Variants in LMBR1 observed in about 807,000 individuals in gnomAD.
LMBR1 encodes the protein limb region 1 protein homolog.
In LMBR1, 52 loss-of-function variants were observed where a neutral mutation model predicts 73.9. The observed-to-expected ratio is 0.70, with a 90% CI of 0.56 to 0.89. LMBR1 has a LOEUF of 0.89. LMBR1 is among the 40% of genes least tolerant of loss of function. LMBR1 has a pLI of 0.00. For missense variants in LMBR1, 539 were observed against 579.8 expected, an observed-to-expected ratio of 0.93 and a Z score of 0.72; for synonymous variants, 215 against 209.4, an observed-to-expected ratio of 1.03 and a Z score of -0.23.
intron 5 of LMBR1, among the ~76,000 whole-genome samples, chr7:156,774,152 A>G (rs970422744): frequency 6.6e-6 from 1 of 152,188 alleles, no homozygotes; most frequent in Non-Finnish European, 1.5e-5. Flanking sequence ...GCAAATAAAA[A>G]CCACAATGAC....
chr7:156,871,118 G>A (rs766390179), intron 1 of LMBR1, among the ~76,000 whole-genome samples: 1 of 152,024 alleles, frequency 6.6e-6, no homozygotes, highest in Non-Finnish European at 1.5e-5. Context: ...CATTACAACT[G>A]ATGCCTCCAA....
At chr7:156,870,001 C>G (rs1480307033) in intron 1 of LMBR1, among the ~76,000 whole-genome samples, 1 of 152,036 alleles carries the variant, frequency 6.6e-6, no homozygotes, top group Non-Finnish European at 1.5e-5. Context: ...AAGGATCAAT[C>G]CACCAGGGAG....
chr7:156,886,047 G>C (rs79118797), intron 1 of LMBR1, among the ~76,000 whole-genome samples: 2 of 115,782 alleles, frequency 1.7e-5, no homozygotes, highest in Non-Finnish European at 1.8e-5. Context: ...CTCAAAAAAA[G>C]AAAAAAAAAA....
chr7:156,867,078 A>C (rs1184906447), intron 1 of LMBR1, among the ~76,000 whole-genome samples: 1 of 152,246 alleles, frequency 6.6e-6, no homozygotes, highest in Non-Finnish European at 1.5e-5. Context: ...TAATAAAAAG[A>C]AAAATAACCC....
At chr7:156,813,906 G>A (rs1047422445) in intron 4 of LMBR1, among the ~76,000 whole-genome samples, 2 of 152,052 alleles carry the variant, frequency 1.3e-5, no homozygotes, top group South Asian at 4.2e-4. Context: ...ACAAAGAATT[G>A]TTTTAGACTG....
chr7:156,796,288 A>G lies in LMBR1; in HGVS notation c.423+101T>C, dbSNP rs1310694365. The G allele has an allele frequency of 2.6e-5, 19 of 721,510 alleles. No individual in the cohort carries two copies. The highest frequency in any genetic ancestry group is 3.9e-5 in the Non-Finnish European group (17 of 435,720). The allele number at this position is 721,510 out of a possible 1,614,324, so 44.7% of individuals were successfully genotyped here. On this transcript the variant is annotated intron_variant, in intron 5 of 16. Coordinates refer to ENST00000353442, the MANE Select transcript of LMBR1 (RefSeq NM_022458.4). Reference sequence around the variant, plus strand: ...CAATATTATTTACTACGCATTTTTTATATTCCATTTAAATAATTTAAGTCT... The same window carrying G: ...CAATATTATTTACTACGCATTTTTTGTATTCCATTTAAATAATTTAAGTCT...
At chr7:156,684,869 ATTCC>A (rs1416189933) in intron 16 of LMBR1, among the ~76,000 whole-genome samples, 3 of 152,162 alleles carry the variant, frequency 2.0e-5, no homozygotes, top group Non-Finnish European at 4.4e-5. Flanking sequence ...AGGTGGGAGA[ATTCC>A]TTGAGCTCAG....
intron 4 of LMBR1, among the ~76,000 whole-genome samples, chr7:156,805,080 T>C: frequency 6.6e-6 from 1 of 151,672 alleles, no homozygotes; most frequent in East Asian, 1.9e-4. Flanking sequence ...ACCATTTGTT[T>C]AAAAAAAAAT....
intron 1 of LMBR1, among the ~76,000 whole-genome samples, chr7:156,839,411 G>A (rs1838246539): frequency 6.6e-6 from 1 of 152,074 alleles, no homozygotes; most frequent in African/African-American, 2.4e-5. Flanking sequence ...TCTGGGGAAT[G>A]CCAGACCGAC....
rs753087691 is a variant in LMBR1 at position 156,684,176 on chromosome 7, T to A, written c.1388-13A>T. ...AGTTTATGAAGCCCTGCAAAAAAAT[T>A]AAGAAAATGGTGAGAAATGATATAT... On this transcript the variant is annotated splice_polypyrimidine_tract_variant and intron_variant, in intron 16 of 16. Transcript: ENST00000353442. 5 of 1,602,890 alleles carry A rather than the reference T, an allele frequency of 3.1e-6. No individual in the cohort carries two copies. The highest frequency in any genetic ancestry group is 2.6e-6 in the Non-Finnish European group (3 of 1,169,932).
intron 9 of LMBR1, among the ~76,000 whole-genome samples, chr7:156,743,593 G>C (rs1819302080): frequency 6.6e-6 from 1 of 152,118 alleles, no homozygotes; most frequent in African/African-American, 2.4e-5. Context: ...GAAGACTGGT[G>C]CTCTTTCTCT....
intron 1 of LMBR1, among the ~76,000 whole-genome samples, chr7:156,842,710 A>T (rs1838935597): frequency 6.6e-6 from 1 of 152,180 alleles, no homozygotes; most frequent in African/African-American, 2.4e-5. Context: ...GAGCAAATAT[A>T]ATAGAAATAA....
chr7:156,827,915 T>C (rs967175420), intron 3 of LMBR1, among the ~76,000 whole-genome samples: 1 of 152,162 alleles, frequency 6.6e-6, no homozygotes, highest in African/African-American at 2.4e-5. Context: ...ACAACTGATA[T>C]CAGATACAGA....
chr7:156,704,041 A>G (rs753301552), intron 15 of LMBR1, among the ~76,000 whole-genome samples: 4 of 152,116 alleles, frequency 2.6e-5, no homozygotes, highest in Non-Finnish European at 4.4e-5. Flanking sequence ...TACCACCATG[A>G]CCCATGCCAC....
chr7:156,813,329 C>T (rs765040418), intron 4 of LMBR1, among the ~76,000 whole-genome samples: 15 of 152,164 alleles, frequency 9.9e-5, no homozygotes, highest in Non-Finnish European at 7.3e-5. Flanking sequence ...CCTATCTATC[C>T]TAATGGATTT....
At chr7:156,888,099 T>C (rs965620714) in intron 1 of LMBR1, among the ~76,000 whole-genome samples, 1 of 152,168 alleles carries the variant, frequency 6.6e-6, no homozygotes, top group Non-Finnish European at 1.5e-5. Flanking sequence ...GAAAATGGTA[T>C]GGCAGTTCCT....
intron 5 of LMBR1, among the ~76,000 whole-genome samples, chr7:156,786,229 AGAAGGAGGAAGGAGGAAGGAG>A (rs368105259): frequency 7.2e-6 from 1 of 138,620 alleles, no homozygotes; most frequent in African/African-American, 2.7e-5. Context: ...GGAAGGGAAG[AGAAGGAGGAAGGAGGAAGGAG>A]GAAGGAGGAA....
chr7:156,808,296 G>A (rs893517638), intron 4 of LMBR1, among the ~76,000 whole-genome samples: 2 of 152,144 alleles, frequency 1.3e-5, no homozygotes, highest in African/African-American at 4.8e-5. Flanking sequence ...TATATGCTAA[G>A]TATCATTAGG....
intron 5 of LMBR1, among the ~76,000 whole-genome samples, chr7:156,787,984 C>G (rs922009809): frequency 1.3e-5 from 2 of 152,172 alleles, no homozygotes; most frequent in Admixed American, 1.3e-4. Flanking sequence ...ACCATGTTGC[C>G]CAGGCTGGTC....
Sources: gnomAD v4.1 joint callset for allele counts (sites outside exome capture counted in the v4.1 genomes callset) on GRCh38, gnomAD v4.1.1 for gene constraint, MANE v1.5 for transcripts, NCBI Gene and HGNC (gene_info 2026-07-23, HGNC 2026-07-21) for gene names.